Variants in GULP1 observed in about 807,000 individuals in gnomAD.
GULP1 encodes the protein GULP PTB domain containing engulfment adaptor 1.
Under a neutral mutation model 40.9 loss-of-function variants are expected in GULP1, and 19 were observed. The observed-to-expected ratio is 0.46, with a 90% CI of 0.32 to 0.68. The LOEUF is 0.68. Among genes scored for constraint, GULP1 ranks in the 30% least tolerant of loss-of-function variants. The pLI, the probability that GULP1 is intolerant of heterozygous loss-of-function variation, is 0.03. For synonymous variants in GULP1, 119 were observed against 117.6 expected, an observed-to-expected ratio of 1.01 and a Z score of -0.08; for missense variants, 312 against 362.2, an observed-to-expected ratio of 0.86 and a Z score of 1.12.
chr2:188,473,860 C>T (rs1181805588), intron 2 of GULP1, among the ~76,000 whole-genome samples: 1 of 152,110 alleles, frequency 6.6e-6, no homozygotes, highest in East Asian at 1.9e-4. Flanking sequence ...TGCCCCATAG[C>T]CACCACAGTT....
intron 2 of GULP1, among the ~76,000 whole-genome samples, chr2:188,406,627 T>A (rs1392062957): frequency 1.3e-5 from 2 of 151,264 alleles, no homozygotes; most frequent in African/African-American, 2.4e-5. Flanking sequence ...AGAAAAAAAA[T>A]CTGTAAACTT....
At chr2:188,589,632 A>C in intron 11 of GULP1, 1 of 530,114 alleles carries the variant, frequency 1.9e-6, no homozygotes, top group Non-Finnish European at 3.3e-6. Flanking sequence ...TATTGGGATG[A>C]TTGAGTGATG....
At chr2:188,304,554 C>T (rs2036716715) in intron 1 of GULP1, among the ~76,000 whole-genome samples, 2 of 152,166 alleles carry the variant, frequency 1.3e-5, no homozygotes, top group African/African-American at 4.8e-5. Context: ...ACCATACTAG[C>T]TGAAAAAGTG....
intron 4 of GULP1, among the ~76,000 whole-genome samples, chr2:188,485,995 T>C (rs1412183512): frequency 6.6e-6 from 1 of 152,026 alleles, no homozygotes; most frequent in Non-Finnish European, 1.5e-5. Flanking sequence ...TAGAATTTGA[T>C]TGAATAACTG....
At chr2:188,327,815 G>T (rs190125970) in intron 1 of GULP1, among the ~76,000 whole-genome samples, 2 of 152,176 alleles carry the variant, frequency 1.3e-5, no homozygotes, top group East Asian at 3.9e-4. Context: ...GGCATTTTTT[G>T]AGGTTGAAAA....
intron 9 of GULP1, among the ~76,000 whole-genome samples, chr2:188,578,517 G>T (rs1170114541): frequency 6.7e-6 from 1 of 149,894 alleles, no homozygotes; most frequent in Non-Finnish European, 1.5e-5. Context: ...CTCATGTATC[G>T]CAGAACTTAA....
At chr2:188,463,709 T>C (rs1381669562) in intron 2 of GULP1, among the ~76,000 whole-genome samples, 1 of 152,076 alleles carries the variant, frequency 6.6e-6, no homozygotes, top group Non-Finnish European at 1.5e-5. Context: ...TTCGTTTTTC[T>C]CCTCTGACTG....
At chr2:188,304,390 A>G (rs527257140) in intron 1 of GULP1, among the ~76,000 whole-genome samples, 1 of 152,222 alleles carries the variant, frequency 6.6e-6, no homozygotes, top group Non-Finnish European at 1.5e-5. Flanking sequence ...GAGAGTAAAG[A>G]TACAAAGAAT....
At position 188,505,778 on chromosome 2, in the gene GULP1, G is replaced by A. The variant is rs964781524; in HGVS notation, c.91-16978G>A. ...TGAACTGGAGATAAGTAAATTAAAG[G>A]CATTGAAATAATTTATGATATATTT... On this transcript the variant is annotated intron_variant, in intron 4 of 11. Transcript: ENST00000409830. 3.3e-5 allele frequency among the ~76,000 whole-genome samples: 5 copies of A among 151,892 alleles called. No individual in the cohort carries two copies. In the East Asian group the frequency reaches 9.7e-4, roughly 29 times the overall value.
At chr2:188,587,426 T>A (rs960042680) in intron 10 of GULP1, among the ~76,000 whole-genome samples, 1 of 152,112 alleles carries the variant, frequency 6.6e-6, no homozygotes, top group Non-Finnish European at 1.5e-5. Flanking sequence ...TACTTACAAG[T>A]CTACTTAGTC....
At chr2:188,410,189 TAAAA>T (rs879323865) in intron 2 of GULP1, among the ~76,000 whole-genome samples, 1 of 150,656 alleles carries the variant, frequency 6.6e-6, no homozygotes, top group African/African-American at 2.4e-5. Flanking sequence ...CATACAAAAA[TAAAA>T]AAAAACTCAA....
At chr2:188,390,470 T>C (rs1414593366) in intron 2 of GULP1, among the ~76,000 whole-genome samples, 1 of 152,172 alleles carries the variant, frequency 6.6e-6, no homozygotes, top group Non-Finnish European at 1.5e-5. Flanking sequence ...TATTTGTTTT[T>C]TTCTTGCTGA....
intron 2 of GULP1, among the ~76,000 whole-genome samples, chr2:188,391,555 A>G (rs943375402): frequency 3.3e-5 from 5 of 152,038 alleles, no homozygotes; most frequent in Non-Finnish European, 7.4e-5. Flanking sequence ...TCATCAGTGA[A>G]TAGTGATGGT....
chr2:188,590,331 T>A (rs562838363), intron 11 of GULP1: 18 of 152,270 alleles, frequency 1.2e-4, no homozygotes, highest in African/African-American at 4.1e-4. Flanking sequence ...AAAAGTAAAA[T>A]AATATTTTCT....
At chr2:188,460,798 G>A (rs1477571302) in intron 2 of GULP1, among the ~76,000 whole-genome samples, 2 of 152,108 alleles carry the variant, frequency 1.3e-5, no homozygotes, top group Non-Finnish European at 2.9e-5. Flanking sequence ...GTCATATATG[G>A]TTTTAATTAT....
At chr2:188,346,546 G>A (rs2043676608) in intron 1 of GULP1, among the ~76,000 whole-genome samples, 1 of 151,306 alleles carries the variant, frequency 6.6e-6, no homozygotes, top group Admixed American at 6.6e-5. Flanking sequence ...AGGCTGGAGT[G>A]CAGTGGTGCG....
chr2:188,529,215 G>A lies in GULP1; in HGVS notation c.261+20G>A. 9.0e-7 allele frequency: 1 copy of A among 1,107,710 alleles called. No homozygotes were observed. The highest frequency in any genetic ancestry group is 1.4e-5 in the South Asian group (1 of 72,890). The allele number at this position is 1,107,710 out of a possible 1,614,324, so 68.6% of individuals were successfully genotyped here. ...ACAAAGGTAAGGCTTTTTTTTTAAT[G>A]TTAGAGGCAATCTTTAATTAATTGC... On this transcript the variant is annotated intron_variant, in intron 6 of 11. Coordinates refer to ENST00000409830, the MANE Select transcript of GULP1 (RefSeq NM_016315.4).
intron 4 of GULP1, among the ~76,000 whole-genome samples, chr2:188,489,080 T>G (rs1180261346): frequency 6.6e-6 from 1 of 151,964 alleles, no homozygotes; most frequent in East Asian, 1.9e-4. Flanking sequence ...CAATGAAATA[T>G]TAAGATTGGT....
chr2:188,507,396 CTTTTTTTTT>C (rs5837091), intron 4 of GULP1, among the ~76,000 whole-genome samples: 2 of 103,534 alleles, frequency 1.9e-5, no homozygotes, highest in African/African-American at 3.6e-5. Flanking sequence ...CATTTGTTTT[CTTTTTTTTT>C]TTTTTTTTTT....
Sources: gnomAD v4.1 joint callset for allele counts (sites outside exome capture counted in the v4.1 genomes callset) on GRCh38, gnomAD v4.1.1 for gene constraint, MANE v1.5 for transcripts, NCBI Gene and HGNC (gene_info 2026-07-23, HGNC 2026-07-21) for gene names.